Variants in CPQ observed in about 807,000 individuals in gnomAD.
CPQ encodes Ser-Met dipeptidase.
CPQ carries 37 observed loss-of-function variants against 45.7 expected under a neutral mutation model. The observed-to-expected ratio is 0.81, with a 90% confidence interval of 0.62 to 1.07. The LOEUF is 1.07. CPQ is among the 50% of genes least tolerant of loss of function. The pLI, the probability that CPQ is intolerant of heterozygous loss-of-function variation, is 0.00. For synonymous variants in CPQ, 186 were observed against 205.8 expected (o/e 0.90, Z 0.82); for missense variants, 537 against 572.9 (o/e 0.94, Z 0.64).
intron 2 of CPQ, among the ~76,000 whole-genome samples, chr8:96,785,685 G>A (rs1042374659): frequency 6.6e-6 from 1 of 151,284 alleles, no homozygotes; most frequent in Non-Finnish European, 1.5e-5. Flanking sequence ...AGTGGCCTCA[G>A]TGTGAATAAT....
At chr8:96,685,813 G>A (rs1408505196) in intron 1 of CPQ, among the ~76,000 whole-genome samples, 1 of 152,024 alleles carries the variant, frequency 6.6e-6, no homozygotes, top group African/African-American at 2.4e-5. Flanking sequence ...GAATAAGTCA[G>A]GTAGAACTGA....
Position 96,965,989 on chromosome 8 carries a change from G to A in CPQ, c.904G>A (p.Asp302Asn), listed in dbSNP as rs771748991. 1.2e-6 allele frequency: 2 copies of A among 1,614,068 alleles called. No individual in the cohort carries two copies. Among genetic ancestry groups the A allele is most frequent in the Non-Finnish European group, 1.7e-6 (2 of 1,179,958 alleles). Residue 302 changes from aspartate (D) to asparagine (N), a missense_variant, in exon 5 of 8, where the codon GAT becomes AAT. By Grantham distance (23) the Asp-to-Asn change is conservative. Coordinates refer to ENST00000220763, the MANE Select transcript of CPQ (RefSeq NM_016134.4). ...CTGGGATGTTGGGCAGGGTGCCATG[G>A]ATGATGGCGGTGGAGCCTTTATATC... ...DSWDVGQGAM[D>N]DGGGAFISWE...
intron 6 of CPQ, among the ~76,000 whole-genome samples, chr8:97,051,637 CCA>C (rs1305371527): frequency 6.6e-6 from 1 of 152,178 alleles, no homozygotes; most frequent in Non-Finnish European, 1.5e-5. Flanking sequence ...CAGAGCTCAT[CCA>C]AGTGTATCAA....
intron 5 of CPQ, among the ~76,000 whole-genome samples, chr8:97,006,772 G>A (rs1293643803): frequency 1.3e-5 from 2 of 152,172 alleles, no homozygotes; most frequent in African/African-American, 2.4e-5. Flanking sequence ...ACCAGGAACC[G>A]ACTTATCTGG....
intron 7 of CPQ, among the ~76,000 whole-genome samples, chr8:97,080,197 A>C (rs566074890): frequency 6.6e-6 from 1 of 152,274 alleles, no homozygotes; most frequent in East Asian, 1.9e-4. Flanking sequence ...TTCCAGTTGA[A>C]GAGAGATGGA....
chr8:96,720,233 A>G lies in CPQ; in HGVS notation c.-34-64631A>G, dbSNP rs116123981. Among the ~76,000 whole-genome samples, 378 of 152,252 alleles carry G rather than the reference A, an allele frequency of 2.5e-3. 1 individual carries two copies. The highest frequency in any genetic ancestry group is 8.5e-3 in the African/African-American group (355 of 41,538). ...TGTCTGAAAGTCTTCTGTAAATCCA[A>G]CACTTGCGGCATCTTGGGATTGGTT... On this transcript the variant is annotated intron_variant, in intron 1 of 7. Transcript: ENST00000220763.
chr8:97,029,098 C>T (rs1338334918), intron 5 of CPQ, among the ~76,000 whole-genome samples: 2 of 152,210 alleles, frequency 1.3e-5, no homozygotes, highest in Non-Finnish European at 2.9e-5. Flanking sequence ...TCTCACTGAT[C>T]TTGGCCATCC....
chr8:96,849,550 C>T (rs1811743957), intron 3 of CPQ, among the ~76,000 whole-genome samples: 1 of 152,184 alleles, frequency 6.6e-6, no homozygotes, highest in South Asian at 2.1e-4. Flanking sequence ...TCCAGGTCAG[C>T]TTCTCCTAGC....
rs1042720763 is a variant in CPQ, at chr8:96,749,465, C to A, written c.-34-35399C>A. On this transcript the variant is annotated intron_variant, in intron 1 of 7. Coordinates refer to ENST00000220763, the MANE Select transcript of CPQ (RefSeq NM_016134.4). Reference sequence around the variant, plus strand: ...AGGGCCAATACTTTGATAACCCAGTCAGCAAAGATCAGAAGTCAAGAATTC... The same window carrying A: ...AGGGCCAATACTTTGATAACCCAGTAAGCAAAGATCAGAAGTCAAGAATTC... Among the ~76,000 whole-genome samples, 2 of 152,324 alleles carry A rather than the reference C, an allele frequency of 1.3e-5. 1 individual carries two copies. Among genetic ancestry groups the A allele is most frequent in the South Asian group, 4.1e-4 (2 of 4,832 alleles).
chr8:96,747,571 GCAGT>G (rs1455356822), intron 1 of CPQ, among the ~76,000 whole-genome samples: 1 of 152,168 alleles, frequency 6.6e-6, no homozygotes, highest in Non-Finnish European at 1.5e-5. Flanking sequence ...GTTGTCTTGG[GCAGT>G]CAGAGATGTG....
intron 4 of CPQ, among the ~76,000 whole-genome samples, chr8:96,933,479 T>A (rs1563532435): frequency 6.6e-6 from 1 of 152,144 alleles, no homozygotes; most frequent in Non-Finnish European, 1.5e-5. Flanking sequence ...ACTGAACAAG[T>A]AATTGACAAG....
chr8:96,733,561 A>G (rs1809941476), intron 1 of CPQ, among the ~76,000 whole-genome samples: 1 of 152,236 alleles, frequency 6.6e-6, no homozygotes, highest in South Asian at 2.1e-4. Flanking sequence ...ACAGCCCTGC[A>G]AATAGAAATA....
chr8:96,890,102 C>G (rs1045270534), intron 4 of CPQ, among the ~76,000 whole-genome samples: 3 of 152,218 alleles, frequency 2.0e-5, no homozygotes. Context: ...ATACAGCTAT[C>G]TCTTGTGCAA....
At chr8:96,926,579 T>C (rs1327388394) in intron 4 of CPQ, among the ~76,000 whole-genome samples, 1 of 104,120 alleles carries the variant, frequency 9.6e-6, no homozygotes, top group Non-Finnish European at 2.1e-5. Context: ...CCTCTTCCTC[T>C]TCTTCTTCTT....
intron 5 of CPQ, among the ~76,000 whole-genome samples, chr8:96,990,825 C>CTATGGACTGGG (rs1809080786): frequency 6.6e-6 from 1 of 152,146 alleles, no homozygotes; most frequent in East Asian, 1.9e-4. Flanking sequence ...CAGGTGACCC[C>CTATGGACTGGG]TAGGAAAACC....
At chr8:96,648,275 G>C (rs906052371) in intron 1 of CPQ, among the ~76,000 whole-genome samples, 22 of 152,086 alleles carry the variant, frequency 1.4e-4, no homozygotes, top group African/African-American at 5.3e-4. Flanking sequence ...CTGGTGTGAT[G>C]GAATAGACCT....
rs138745783 is a variant in CPQ at position 96,652,442 on chromosome 8, G to T, written c.-35+7040G>T. Among the ~76,000 whole-genome samples the T allele has an allele frequency of 4.1e-3, 624 of 152,304 alleles. 9 individuals carry two copies. The highest frequency in any genetic ancestry group is 0.014 in the African/African-American group (588 of 41,560). ...ATAGTGCTGCAGTGAACATGGGATTGCATATGTCTCTTTAATATAATTATT... is the reference window on the plus strand; with the variant it reads ...ATAGTGCTGCAGTGAACATGGGATTTCATATGTCTCTTTAATATAATTATT... On this transcript the variant is annotated intron_variant, in intron 1 of 7. Transcript: ENST00000220763.
chr8:96,990,126 C>G (rs1809063210), intron 5 of CPQ, among the ~76,000 whole-genome samples: 1 of 152,156 alleles, frequency 6.6e-6, no homozygotes, highest in African/African-American at 2.4e-5. Context: ...TCCTCCAACT[C>G]CTCTGCTCAG....
intron 5 of CPQ, among the ~76,000 whole-genome samples, chr8:97,004,643 T>G (rs1016118307): frequency 3.3e-5 from 5 of 152,030 alleles, no homozygotes; most frequent in Non-Finnish European, 7.4e-5. Flanking sequence ...CAGAAATAAA[T>G]GAAAATTACT....
Sources: gnomAD v4.1 joint callset for allele counts (sites outside exome capture counted in the v4.1 genomes callset) on GRCh38, gnomAD v4.1.1 for gene constraint, MANE v1.5 for transcripts, NCBI Gene and HGNC (gene_info 2026-07-23, HGNC 2026-07-21) for gene names.